The following SLC39A10 variants were observed in gnomAD, a reference collection of about 807,000 sequenced individuals.
SLC39A10 encodes the protein zinc transporter ZIP10.
In SLC39A10, 13 loss-of-function variants were observed where a neutral mutation model predicts 65.1. The ratio of observed to expected loss-of-function variants is 0.20; its 90% confidence interval spans 0.13 to 0.32. SLC39A10 has a LOEUF of 0.32. SLC39A10 is among the 10% of genes least tolerant of loss of function. The probability of loss-of-function intolerance (pLI) is 1.00; values close to 1 mark genes in which losing one functional copy is unlikely to be tolerated. For synonymous variants in SLC39A10, 321 were observed against 342.2 expected (o/e 0.94, Z 0.68); for missense variants, 831 against 1,018.4 (o/e 0.82, Z 2.50).
chr2:195,664,364 T>A (rs965568508), intron 1 of SLC39A10, among the ~76,000 whole-genome samples: 3 of 150,750 alleles, frequency 2.0e-5, no homozygotes, highest in Non-Finnish European at 2.9e-5. Flanking sequence ...ATAGCTTTTC[T>A]TTTAAAAAAA....
intron 1 of SLC39A10, among the ~76,000 whole-genome samples, chr2:195,668,604 T>A (rs1404334493): frequency 6.6e-6 from 1 of 152,252 alleles, no homozygotes; most frequent in Non-Finnish European, 1.5e-5. Flanking sequence ...AAAGAAAGAA[T>A]TGCGATACAG....
chr2:195,665,420 A>C (rs769686543), intron 1 of SLC39A10, among the ~76,000 whole-genome samples: 1 of 152,306 alleles, frequency 6.6e-6, no homozygotes, highest in South Asian at 2.1e-4. Flanking sequence ...TCAGTGAGCT[A>C]TCATTGCACC....
chr2:195,666,210 C>T (rs1401664205), intron 1 of SLC39A10, among the ~76,000 whole-genome samples: 1 of 152,022 alleles, frequency 6.6e-6, no homozygotes, highest in Non-Finnish European at 1.5e-5. Flanking sequence ...AATAAGTAGC[C>T]TCTGTGTTGT....
intron 1 of SLC39A10, chr2:195,674,679 G>A (rs753465634): frequency 3.4e-5 from 33 of 976,014 alleles, no homozygotes; most frequent in Non-Finnish European, 3.8e-5. Flanking sequence ...GCTTAATGCT[G>A]AGTATGTTCT....
intron 2 of SLC39A10, among the ~76,000 whole-genome samples, chr2:195,641,164 A>T (rs1332277782): frequency 6.6e-6 from 1 of 152,208 alleles, no homozygotes; most frequent in African/African-American, 2.4e-5. Flanking sequence ...GTGGTGGAAG[A>T]TACATGTGTA....
chr2:195,617,557 G>A (rs1161303508), intron 2 of SLC39A10, among the ~76,000 whole-genome samples: 3 of 151,364 alleles, frequency 2.0e-5, no homozygotes, highest in Admixed American at 6.6e-5. Context: ...GAGAGACACC[G>A]TCTCAAAGAA....
intron 7 of SLC39A10, 155 bp downstream of exon 7, chr2:195,717,160 G>C (rs1341585421): frequency 2.1e-6 from 2 of 953,954 alleles, no homozygotes; most frequent in African/African-American, 3.3e-5. Flanking sequence ...TGTTACATTT[G>C]GAGGTGTAAG....
intron 2 of SLC39A10, among the ~76,000 whole-genome samples, chr2:195,626,623 A>T (rs1463493458): frequency 6.6e-6 from 1 of 152,216 alleles, no homozygotes; most frequent in African/African-American, 2.4e-5. Flanking sequence ...TTACATAATT[A>T]TGTAGAAATG....
At chr2:195,713,594 T>C (rs1441627348) in intron 6 of SLC39A10, 41 bp downstream of exon 6, 8 of 1,542,304 alleles carry the variant, frequency 5.2e-6, no homozygotes, top group African/African-American at 4.3e-5. Context: ...TTTTTCTTTT[T>C]TTTTTTTCAT....
intron 3 of SLC39A10, among the ~76,000 whole-genome samples, chr2:195,698,883 A>G (rs1412105021): frequency 6.6e-6 from 1 of 151,948 alleles, no homozygotes; most frequent in East Asian, 1.9e-4. Context: ...TTTGAGAAGG[A>G]TTGGTATTAG....
chr2:195,654,776 G>A (rs531050965), upstream of SLC39A10, among the ~76,000 whole-genome samples: 11 of 152,250 alleles, frequency 7.2e-5, no homozygotes, highest in South Asian at 2.3e-3. Flanking sequence ...AAGATAAAAT[G>A]AAATTCATAT....
At chr2:195,715,843 G>C (rs556667494) in intron 6 of SLC39A10, among the ~76,000 whole-genome samples, 1 of 152,310 alleles carries the variant, frequency 6.6e-6, no homozygotes, top group South Asian at 2.1e-4. Flanking sequence ...TGCAGTGTTT[G>C]CCACTATTGC....
intron 3 of SLC39A10, among the ~76,000 whole-genome samples, chr2:195,691,025 C>G (rs1254915860): frequency 6.6e-6 from 1 of 152,000 alleles, no homozygotes; most frequent in African/African-American, 2.4e-5. Context: ...CCGCTGAGTC[C>G]CCGAAGTTCA....
intron 3 of SLC39A10, among the ~76,000 whole-genome samples, chr2:195,693,976 C>T (rs1690843500): frequency 6.6e-6 from 1 of 152,138 alleles, no homozygotes; most frequent in South Asian, 2.1e-4. Context: ...TTTGCTGTAT[C>T]TCAGAAGTTT....
chr2:195,652,320 G>A (rs1689050668), upstream of SLC39A10, among the ~76,000 whole-genome samples: 2 of 152,080 alleles, frequency 1.3e-5, no homozygotes, highest in Admixed American at 6.6e-5. Flanking sequence ...CGCCGAGGCG[G>A]GTGAATCACT....
chr2:195,734,767 T>C (rs1239203918), intron 9 of SLC39A10, 116 bp from the exon 10 acceptor site: 8 of 983,630 alleles, frequency 8.1e-6, no homozygotes, highest in African/African-American at 1.7e-5. Context: ...ATAAAATAAT[T>C]ATTTTGTCTG....
chr2:195,659,249 T>A (rs940684928), intron 1 of SLC39A10, among the ~76,000 whole-genome samples: 1 of 152,176 alleles, frequency 6.6e-6, no homozygotes, highest in African/African-American at 2.4e-5. Context: ...AAAAAAGTGG[T>A]TGGGGAAGAC....
At chr2:195,664,674 A>G (rs1432134771) in intron 1 of SLC39A10, among the ~76,000 whole-genome samples, 1 of 152,182 alleles carries the variant, frequency 6.6e-6, no homozygotes, top group Non-Finnish European at 1.5e-5. Flanking sequence ...TTAAAAATTT[A>G]TAATAATGTG....
intron 2 of SLC39A10, among the ~76,000 whole-genome samples, chr2:195,620,869 TAAAACCTACCTTCTTG>T (rs1191574042): frequency 4.6e-5 from 7 of 152,210 alleles, no homozygotes; most frequent in African/African-American, 1.7e-4. Context: ...TCAGCTCTTG[TAAAACCTACCTTCTTG>T]AAAACCTGTC....
Sources: gnomAD v4.1 joint callset for allele counts (sites outside exome capture counted in the v4.1 genomes callset) on GRCh38, gnomAD v4.1.1 for gene constraint, MANE v1.5 for transcripts, NCBI Gene and HGNC (gene_info 2026-07-23, HGNC 2026-07-21) for gene names.